Variants in OPLAH observed in about 807,000 individuals in gnomAD.
The protein encoded by OPLAH is 5-oxoprolinase.
Under a neutral mutation model 122.8 loss-of-function variants are expected in OPLAH, and 103 were observed. The observed-to-expected ratio is 0.84, with a 90% CI of 0.71 to 0.99. The LOEUF (loss-of-function observed/expected upper bound fraction) is 0.99. OPLAH is among the 50% of genes least tolerant of loss of function. OPLAH has a pLI of 0.00. For missense variants in OPLAH, 1,902 were observed against 1,836.5 expected (o/e 1.04, Z -0.65); for synonymous variants, 875 against 796.0 (o/e 1.10, Z -1.67).
rs1244416608 is a variant in OPLAH at position 144,058,351 on chromosome 8, G to A, written c.837C>T (p.Thr279=). 1.0e-5 allele frequency: 16 copies of A among 1,596,846 alleles called. No individual in the cohort carries two copies. The highest frequency in any genetic ancestry group is 1.4e-5 in the Non-Finnish European group (16 of 1,174,474). ...RSDGGLAPMD[T]FSGSSAVLSG... is the part of the protein sequence containing the mutation. Reference sequence around the variant, plus strand: ...AGAGCACAGCACTGGAGCCGCTGAAGGTGTCCATGGGCGCCAGGCCGCCAT... The same window carrying A: ...AGAGCACAGCACTGGAGCCGCTGAAAGTGTCCATGGGCGCCAGGCCGCCAT... Residue 279 remains threonine, a synonymous_variant, in exon 7 of 27, where the codon ACC becomes ACT. Transcript: ENST00000618853.
rs782359519 is a variant in OPLAH, at chr8:144,051,778, C to A, written c.3671G>T (p.Gly1224Val). ...CTTGCCGCCCAGATTCACCGTCCGGCCGTTTTTGCGGATCAGCAGGTTTAG... is the reference window on the plus strand; with the variant it reads ...CTTGCCGCCCAGATTCACCGTCCGGACGTTTTTGCGGATCAGCAGGTTTAG... ...RGLNLLIRKNGRTVNLGGKTS... is the reference protein window; with the variant it reads ...RGLNLLIRKNVRTVNLGGKTS... The change falls in exon 26 of 27, where the codon GGC (glycine) becomes GTC (valine). Residue 1224 changes from glycine (G) to valine (V), a missense_variant. By Grantham distance (109) the Gly-to-Val change is moderately radical (BLOSUM62 -3). This residue lies in a region of OPLAH where 1,726 missense variants were observed against 1,642.1 expected (regional missense o/e 1.05). Coordinates refer to ENST00000618853, the MANE Select transcript of OPLAH (RefSeq NM_017570.5). 3.2e-4 allele frequency: 520 copies of A among 1,606,960 alleles called. 5 individuals carry two copies. The highest frequency in any genetic ancestry group is 6.0e-5 in the Non-Finnish European group (71 of 1,178,334).
chr8:144,052,539 G>C lies in OPLAH; in HGVS notation c.3213C>G (p.Pro1071=). Residue 1071 remains proline, a synonymous_variant, in exon 23 of 27, where the codon CCC becomes CCG. Coordinates refer to ENST00000618853, the MANE Select transcript of OPLAH (RefSeq NM_017570.5). The part of the protein sequence containing the change: ...IPRGSILDPS[P]EAAVVGGNVL... ...CGTTGCCGCCCACCACCGCCGCCTC[G>C]GGCGACGGGTCCAGGATGGAGCCTC... The C allele has an allele frequency of 1.9e-6, 3 of 1,593,988 alleles. No homozygotes were observed. The highest frequency in any genetic ancestry group is 1.7e-4 in the Middle Eastern group (1 of 6,014).
At position 144,051,724 on chromosome 8, in the gene OPLAH, C is replaced by A. The variant is rs1554757692; in HGVS notation, c.3720+5G>T. 1.3e-6 allele frequency: 2 copies of A among 1,596,828 alleles called. No homozygotes were observed. Among genetic ancestry groups the A allele is most frequent in the Non-Finnish European group, 1.7e-6 (2 of 1,174,758 alleles). ...GAGGGGGACAGGACAGGCCGCGGCC[C>A]TTACCCCGGGGTACACGGTCACCGA... is the stretch of plus-strand genomic sequence containing the variant. On this transcript the variant is annotated splice_donor_5th_base_variant and intron_variant, in intron 26 of 26. Transcript: ENST00000618853.
At position 144,056,613 on chromosome 8, in the gene OPLAH, C is replaced by T. The variant is rs782763321; in HGVS notation, c.1844+5G>A. 6.2e-6 allele frequency: 10 copies of T among 1,612,154 alleles called. No individual in the cohort carries two copies. The highest frequency in any genetic ancestry group is 2.2e-5 in the East Asian group (1 of 44,872). On this transcript the variant is annotated splice_donor_5th_base_variant and intron_variant, in intron 13 of 26. Transcript: ENST00000618853. ...CCAGGGATCCGGAGTCAGGAAGCCACGTACCGCTCCACAAAGGCTGCCCCG... is the reference window on the plus strand; with the variant it reads ...CCAGGGATCCGGAGTCAGGAAGCCATGTACCGCTCCACAAAGGCTGCCCCG...
Position 144,051,348 on chromosome 8 carries a change from C to T in OPLAH, c.3845G>A (p.Arg1282His). ...FPEHGSVYEYRRAQEAV is the reference protein window; with the variant it reads ...FPEHGSVYEYHRAQEAV Reference sequence around the variant, plus strand: ...TCCTCACACGGCCTCCTGGGCCCGGCGATACTCATAGACGCTGCCGTGCTC... The same window carrying T: ...TCCTCACACGGCCTCCTGGGCCCGGTGATACTCATAGACGCTGCCGTGCTC... Residue 1282 changes from arginine (R) to histidine (H), a missense_variant, in exon 27 of 27, where the codon CGC becomes CAC. Arg to His is a conservative substitution (Grantham distance 29). Transcript: ENST00000618853. 6.2e-7 allele frequency: 1 copy of T among 1,611,420 alleles called. No homozygotes were observed. The highest frequency in any genetic ancestry group is 1.1e-5 in the South Asian group (1 of 91,056).
chr8:144,052,312 G>T lies in OPLAH; in HGVS notation c.3318C>A (p.Asn1106Lys). ...ACAASQGCMN[N>K]VTLGNAHMGY... Reference sequence around the variant, plus strand: ...CCATGTGGGCGTTGCCCAGGGTCACGTTGTTCATGCAGCCCTGGTGAGGGC... The same window carrying T: ...CCATGTGGGCGTTGCCCAGGGTCACTTTGTTCATGCAGCCCTGGTGAGGGC... The change falls in exon 24 of 27, where the codon AAC (asparagine) becomes AAA (lysine). Residue 1106 changes from asparagine to lysine, a missense_variant. By Grantham distance (94) the Asn-to-Lys change is moderately conservative (BLOSUM62 0). Transcript: ENST00000618853. The T allele has an allele frequency of 2.0e-6, 3 of 1,527,538 alleles. No individual in the cohort carries two copies. Among genetic ancestry groups the T allele is most frequent in the Non-Finnish European group, 2.6e-6 (3 of 1,141,808 alleles). 94.6% of individuals were successfully genotyped at this position (1,527,538 alleles called of 1,614,324 possible). A position where few individuals can be genotyped will look rare whatever the true frequency, so the allele number is the denominator to read the frequency against.
intron 22 of OPLAH, 78 bp from the exon 23 acceptor site, chr8:144,052,676 CCCGTGGGGTCA>C: frequency 6.5e-7 from 1 of 1,535,128 alleles, no homozygotes; most frequent in Non-Finnish European, 8.8e-7. Flanking sequence ...CGCCCCAGCA[CCCGTGGGGTCA>C]GACCGTGGCT....
At position 144,051,943 on chromosome 8, in the gene OPLAH, G is replaced by A. The variant is rs1554757766; in HGVS notation, c.3595C>T (p.Arg1199Cys). 1 of 1,547,530 alleles carries A rather than the reference G, an allele frequency of 6.5e-7. No homozygotes were observed. The highest frequency in any genetic ancestry group is 1.9e-5 in the Admixed American group (1 of 51,808). The change falls in exon 25 of 27, where the codon CGC becomes TGC. Residue 1199 changes from arginine to cysteine, a missense_variant. Physicochemically the swap from Arg to Cys is radical, Grantham distance 180. Transcript: ENST00000618853. ...TGGAGCCCGTATGGCCGGAAGGCGC[G>A]GCGCTCGGTCAGCACTGACAGCAGC... ...EALLSVLTER[R>C]AFRPYGLHGG...
At position 144,057,040 on chromosome 8, in the gene OPLAH, G is replaced by C. The variant is rs1835535693; in HGVS notation, c.1614C>G (p.Leu538=). The part of the protein sequence containing the change: ...VHEAQEPCSL[L]YAPETFVQLD... The stretch of plus-strand genomic sequence containing the variant: ...GCTGCACGAAGGTCTCAGGCGCGTA[G>C]AGCAGGGAGCAGGGTTCCTGTGCCT... The change falls in exon 12 of 27, where the codon CTC becomes CTG. Residue 538 remains leucine, a synonymous_variant. Coordinates refer to ENST00000618853, the MANE Select transcript of OPLAH (RefSeq NM_017570.5). The C allele has an allele frequency of 1.9e-6, 3 of 1,600,668 alleles. No homozygotes were observed. Among genetic ancestry groups the C allele is most frequent in the Non-Finnish European group, 2.6e-6 (3 of 1,174,730 alleles).
Position 144,052,844 on chromosome 8 carries a change from G to C in OPLAH, c.3075C>G (p.Asn1025Lys), listed in dbSNP as rs1554758027. Reference protein sequence around the residue: ...GTGPEVFGNLNAPRAVTLSAL... With the variant: ...GTGPEVFGNLKAPRAVTLSAL... ...CGGACAGGGTTACGGCCCGCGGTGC[G>C]TTGAGATTACCAAACACCTCCGGCC... The change falls in exon 22 of 27, where the codon AAC (asparagine) becomes AAG (lysine). Residue 1025 changes from asparagine to lysine, a missense_variant. This residue lies in a region of OPLAH where 1,726 missense variants were observed against 1,642.1 expected (regional missense o/e 1.05). Coordinates refer to ENST00000618853, the MANE Select transcript of OPLAH (RefSeq NM_017570.5). 1 of 1,555,570 alleles carries C rather than the reference G, an allele frequency of 6.4e-7. No homozygotes were observed. Among genetic ancestry groups the C allele is most frequent in the African/African-American group, 1.4e-5 (1 of 73,296 alleles).
chr8:144,056,769 T>G lies in OPLAH; in HGVS notation c.1707-14A>C, dbSNP rs1587560520. On this transcript the variant is annotated splice_polypyrimidine_tract_variant and intron_variant, in intron 12 of 26. Coordinates refer to ENST00000618853, the MANE Select transcript of OPLAH (RefSeq NM_017570.5). ...CTGATCTGGGACCTGCAGCAGGTGG[T>G]TGGGGGCACTCACACCAAACCCCCT... The G allele has an allele frequency of 6.3e-7, 1 of 1,595,456 alleles. No homozygotes were observed. Among genetic ancestry groups the G allele is most frequent in the Non-Finnish European group, 8.5e-7 (1 of 1,169,866 alleles).
At chr8:144,054,521 C>T in intron 19 of OPLAH, 40 bp downstream of exon 19, 1 of 1,532,460 alleles carries the variant, frequency 6.5e-7, no homozygotes, top group South Asian at 1.3e-5. Context: ...GCCATGTGTC[C>T]CAGCCTACAG....
upstream of OPLAH, among the ~76,000 whole-genome samples, chr8:144,062,056 C>G (rs996039103): frequency 1.4e-4 from 22 of 151,982 alleles, no homozygotes; most frequent in African/African-American, 5.1e-4. Flanking sequence ...CAGCAGCCCT[C>G]GGGGTGCTCT....
Position 144,057,454 on chromosome 8 carries a change from G to A in OPLAH, c.1416C>T (p.Leu472=), listed in dbSNP as rs1214987713. ...NEAMCRPIRA[L]TQARGHDPSA... ...AGAGCAGAGGTGGACGTACCTGCGTGAGTGCACGGATGGGCCGGCACATGG... is the reference window on the plus strand; with the variant it reads ...AGAGCAGAGGTGGACGTACCTGCGTAAGTGCACGGATGGGCCGGCACATGG... Residue 472 remains leucine, a synonymous_variant, in exon 10 of 27, where the codon CTC becomes CTT. Coordinates refer to ENST00000618853, the MANE Select transcript of OPLAH (RefSeq NM_017570.5). The A allele has an allele frequency of 6.3e-7, 1 of 1,586,152 alleles. No homozygotes were observed. Among genetic ancestry groups the A allele is most frequent in the East Asian group, 2.3e-5 (1 of 43,524 alleles).
chr8:144,056,612 A>T lies in OPLAH; in HGVS notation c.1844+6T>A. The T allele has an allele frequency of 6.2e-7, 1 of 1,612,264 alleles. No individual in the cohort carries two copies. The highest frequency in any genetic ancestry group is 8.5e-7 in the Non-Finnish European group (1 of 1,179,754). On this transcript the variant is annotated splice_donor_region_variant and intron_variant, in intron 13 of 26. Transcript: ENST00000618853. ...GCCAGGGATCCGGAGTCAGGAAGCC[A>T]CGTACCGCTCCACAAAGGCTGCCCC...
chr8:144,060,661 C>T lies in OPLAH; in HGVS notation c.-62G>A, dbSNP rs1195253701. 1 of 152,000 alleles carries T rather than the reference C, an allele frequency of 6.6e-6. No homozygotes were observed. Among genetic ancestry groups the T allele is most frequent in the Non-Finnish European group, 1.5e-5 (1 of 67,984 alleles). The allele number at this position is 152,000 out of a possible 1,614,324, so 9.4% of individuals were successfully genotyped here. A position where few individuals can be genotyped will look rare whatever the true frequency, so the allele number is the denominator to read the frequency against. On this transcript the variant is annotated 5_prime_UTR_variant, in exon 1 of 27. Coordinates refer to ENST00000618853, the MANE Select transcript of OPLAH (RefSeq NM_017570.5). Reference sequence around the variant, plus strand: ...CCCGGCGCAGGCCCCACCTGGCGCTCGGCTCCGGCTCGGTCGCTCGCGGTC... The same window carrying T: ...CCCGGCGCAGGCCCCACCTGGCGCTTGGCTCCGGCTCGGTCGCTCGCGGTC...
upstream of OPLAH, among the ~76,000 whole-genome samples, chr8:144,063,387 AC>A (rs782085075): frequency 2.6e-5 from 4 of 152,104 alleles, no homozygotes; most frequent in Non-Finnish European, 5.9e-5. This position sits in a 1 kb window ranked among gnomAD's most constrained non-coding sequence, Gnocchi z 4.2. Flanking sequence ...GGCTGTCCCC[AC>A]CACCAGAGAG....
intron 12 of OPLAH, 91 bp downstream of exon 12, chr8:144,056,857 G>A (rs1587560699): frequency 6.6e-7 from 1 of 1,515,392 alleles, no homozygotes; most frequent in East Asian, 2.4e-5. Context: ...GCACACCCCG[G>A]GACCACCTGG....
In OPLAH at chr8:144,054,852, G is replaced by A. The variant is rs1835470347; in HGVS notation, c.2471C>T (p.Ala824Val). The change falls in exon 18 of 27, where the codon GCC becomes GTC. Residue 824 changes from alanine (A) to valine (V), a missense_variant. By Grantham distance (64) the Ala-to-Val change is moderately conservative. Around this residue, in one of 3 missense-constraint regions of OPLAH, gnomAD observed 1,726 missense variants for 1,642.1 expected, o/e 1.05. Coordinates refer to ENST00000618853, the MANE Select transcript of OPLAH (RefSeq NM_017570.5). ...CAGGTCTGGCAGGTGGCTGCCCCCG[G>A]CACTGGGATGGTTGCTCAGTAGCAC... Reference protein sequence around the residue: ...GDVLLSNHPSAGGSHLPDLTV... With the variant: ...GDVLLSNHPSVGGSHLPDLTV... 6.2e-7 allele frequency: 1 copy of A among 1,612,200 alleles called. No homozygotes were observed. The highest frequency in any genetic ancestry group is 2.2e-5 in the East Asian group (1 of 44,872).
Sources: gnomAD v4.1 joint callset for allele counts (sites outside exome capture counted in the v4.1 genomes callset) on GRCh38, gnomAD v4.1.1 for gene constraint, gnomAD v4.1.1 regional missense constraint, Gnocchi (gnomAD v3.1) non-coding constraint, MANE v1.5 for transcripts, NCBI Gene and HGNC (gene_info 2026-07-23, HGNC 2026-07-21) for gene names.